GNG12: variants seen among roughly 807,000 people sequenced by gnomAD.
The protein encoded by GNG12 is guanine nucleotide-binding protein G(I)/G(S)/G(O) subunit gamma-12.
For missense variants in GNG12, 69 were observed against 83.8 expected (o/e 0.82, Z 0.69); for synonymous variants, 28 against 29.7 (o/e 0.94, Z 0.19).
chr1:67,779,608 A>C (rs750414177), intron 1 of GNG12, among the ~76,000 whole-genome samples: 5 of 152,114 alleles, frequency 3.3e-5, no homozygotes, highest in Non-Finnish European at 5.9e-5. Context: ...CTCAGTTCAA[A>C]AGTCACCACC....
At chr1:67,763,440 T>A (rs938924548) in intron 2 of GNG12, among the ~76,000 whole-genome samples, 3 of 152,328 alleles carry the variant, frequency 2.0e-5, no homozygotes, top group Admixed American at 1.3e-4. Context: ...TTTTGTGGAA[T>A]GTCCCTCAAT....
intron 2 of GNG12, among the ~76,000 whole-genome samples, chr1:67,715,062 GCACC>G (rs1358531823): frequency 2.6e-5 from 4 of 152,114 alleles, no homozygotes; most frequent in African/African-American, 4.8e-5. Flanking sequence ...GGGATTACAG[GCACC>G]CGCCACCACA....
At chr1:67,831,471 T>C (rs768908700) in intron 1 of GNG12, among the ~76,000 whole-genome samples, 2 of 152,222 alleles carry the variant, frequency 1.3e-5, no homozygotes, top group East Asian at 1.9e-4. Context: ...CATATATTTC[T>C]ACACAAATCT....
intron 1 of GNG12, among the ~76,000 whole-genome samples, chr1:67,818,055 G>A (rs1417229362): frequency 6.6e-6 from 1 of 152,048 alleles, no homozygotes; most frequent in Admixed American, 6.5e-5. Flanking sequence ...CCAAAGTGCT[G>A]GGATTACAGG....
rs189530659 is a variant in GNG12, at chr1:67,765,488, A to T, written c.-27+11970T>A. 2.6e-5 allele frequency among the ~76,000 whole-genome samples: 4 copies of T among 152,364 alleles called. No individual in the cohort carries two copies. In the East Asian group the frequency reaches 7.7e-4, roughly 29 times the overall value. ...AAGGGAACACATTAGAAGCTAAGTA[A>T]TTGGGTCAGATTTGGTAATTAAAAG... On this transcript the variant is annotated intron_variant, in intron 2 of 3. Transcript: ENST00000370982.
At chr1:67,785,903 C>T (rs887200044) in intron 1 of GNG12, among the ~76,000 whole-genome samples, 1 of 152,100 alleles carries the variant, frequency 6.6e-6, no homozygotes, top group African/African-American at 2.4e-5. Context: ...TCAGATAAAA[C>T]TTATTTCTCA....
At chr1:67,766,470 GA>G (rs1646640462) in intron 2 of GNG12, among the ~76,000 whole-genome samples, 1 of 152,178 alleles carries the variant, frequency 6.6e-6, no homozygotes. Context: ...AAGAGGGAGG[GA>G]ATGTGATTAC....
intron 2 of GNG12, among the ~76,000 whole-genome samples, chr1:67,733,644 C>T (rs760766807): frequency 5.3e-5 from 8 of 152,174 alleles, no homozygotes; most frequent in Non-Finnish European, 1.2e-4. Flanking sequence ...CAACATGAAA[C>T]AATACCTAAA....
intron 1 of GNG12, among the ~76,000 whole-genome samples, chr1:67,813,005 T>A (rs1455613115): frequency 6.6e-6 from 1 of 152,204 alleles, no homozygotes; most frequent in Non-Finnish European, 1.5e-5. Context: ...ATCCATTTCT[T>A]CATTTGTAAA....
At chr1:67,819,440 A>C (rs764932702) in intron 1 of GNG12, among the ~76,000 whole-genome samples, 2 of 152,166 alleles carry the variant, frequency 1.3e-5, no homozygotes, top group African/African-American at 4.8e-5. Context: ...TTTTTACCCT[A>C]GTTCTGCCAA....
At chr1:67,794,001 C>G (rs1646815865) in intron 1 of GNG12, among the ~76,000 whole-genome samples, 1 of 152,156 alleles carries the variant, frequency 6.6e-6, no homozygotes, top group Non-Finnish European at 1.5e-5. Context: ...GATAAACTCT[C>G]ATAGAGAGAC....
chr1:67,790,784 T>G (rs1646797915), intron 1 of GNG12, among the ~76,000 whole-genome samples: 1 of 152,082 alleles, frequency 6.6e-6, no homozygotes, highest in Non-Finnish European at 1.5e-5. Flanking sequence ...TCTGGCTAAT[T>G]TTTGTATTTT....
At chr1:67,729,655 A>G (rs1646407811) in intron 2 of GNG12, among the ~76,000 whole-genome samples, 1 of 152,158 alleles carries the variant, frequency 6.6e-6, no homozygotes, top group Admixed American at 6.5e-5. Context: ...TTAATCCATC[A>G]GACTGTTGGC....
At chr1:67,790,912 C>A (rs1214930080) in intron 1 of GNG12, among the ~76,000 whole-genome samples, 1 of 152,200 alleles carries the variant, frequency 6.6e-6, no homozygotes, top group Non-Finnish European at 1.5e-5. Context: ...CCATGCCCAG[C>A]CCATACTTTA....
At chr1:67,788,945 A>G (rs1413159531) in intron 1 of GNG12, among the ~76,000 whole-genome samples, 1 of 152,204 alleles carries the variant, frequency 6.6e-6, no homozygotes, top group African/African-American at 2.4e-5. Context: ...AGAACTACGA[A>G]AAAGAAAATG....
intron 2 of GNG12, among the ~76,000 whole-genome samples, chr1:67,724,999 T>C (rs1382758100): frequency 6.6e-6 from 1 of 152,234 alleles, no homozygotes; most frequent in Non-Finnish European, 1.5e-5. Flanking sequence ...TTAATTATTA[T>C]CTACAATTTC....
chr1:67,710,303 T>G (rs1646287912), intron 2 of GNG12, among the ~76,000 whole-genome samples: 1 of 145,622 alleles, frequency 6.9e-6, no homozygotes, highest in African/African-American at 2.6e-5. Context: ...CAACTGGCGC[T>G]GGTTCTGAGG....
At chr1:67,712,930 C>T (rs139148446) in intron 2 of GNG12, among the ~76,000 whole-genome samples, 2,766 of 151,794 alleles carry the variant, frequency 0.018, 81 homozygotes, top group African/African-American at 0.064. Context: ...GGTTTTACCA[C>T]GTTGACCAGG....
chr1:67,735,729 G>A lies in GNG12; in HGVS notation c.-26-28017C>T, dbSNP rs558060269. 3.3e-5 allele frequency among the ~76,000 whole-genome samples: 5 copies of A among 152,254 alleles called. No individual in the cohort carries two copies. In the East Asian group the frequency reaches 9.6e-4, roughly 29 times the overall value. ...ACTGTAAATACTATAATTTCTGAGT[G>A]ATCTTCACTAACAACAGTGAAGCTC... On this transcript the variant is annotated intron_variant, in intron 2 of 3. Transcript: ENST00000370982.
Sources: gnomAD v4.1 joint callset for allele counts (sites outside exome capture counted in the v4.1 genomes callset) on GRCh38, gnomAD v4.1.1 for gene constraint, MANE v1.5 for transcripts, NCBI Gene and HGNC (gene_info 2026-07-23, HGNC 2026-07-21) for gene names.